Variants in PDZD2 observed in about 807,000 individuals in gnomAD.
The protein encoded by PDZD2 is PDZ domain containing 2, also known as PDZ domain-containing protein 2.
In PDZD2, 90 loss-of-function variants were observed where a neutral mutation model predicts 220.7. The ratio of observed to expected loss-of-function variants is 0.41; its 90% CI spans 0.34 to 0.49. The LOEUF (loss-of-function observed/expected upper bound fraction) is 0.49. PDZD2 is among the 20% of genes least tolerant of loss of function. PDZD2 has a pLI of 0.28. For missense variants in PDZD2, 3,174 were observed against 3,608.5 expected (o/e 0.88, Z 3.08); for synonymous variants, 1,375 against 1,450.5 (o/e 0.95, Z 1.18).
At chr5:32,059,012 C>T (rs779980684) in intron 12 of PDZD2, among the ~76,000 whole-genome samples, 1 of 152,164 alleles carries the variant, frequency 6.6e-6, no homozygotes, top group Non-Finnish European at 1.5e-5. Flanking sequence ...AGTTGACCGT[C>T]GGATAATTCA....
intron 7 of PDZD2, among the ~76,000 whole-genome samples, chr5:32,039,395 G>C (rs958499203): frequency 6.6e-6 from 1 of 151,348 alleles, no homozygotes; most frequent in Non-Finnish European, 1.5e-5. Context: ...ACGGAGTCTC[G>C]CTCACTCAAT....
intron 2 of PDZD2, among the ~76,000 whole-genome samples, chr5:31,875,087 AT>A (rs1739186058): frequency 6.6e-6 from 1 of 151,958 alleles, no homozygotes; most frequent in Non-Finnish European, 1.5e-5. Context: ...TATGCTGCTT[AT>A]TTTTTCCTTT....
intron 1 of PDZD2, among the ~76,000 whole-genome samples, chr5:31,773,539 T>G (rs1207415557): frequency 1.3e-5 from 2 of 151,436 alleles, no homozygotes; most frequent in Non-Finnish European, 2.9e-5. Flanking sequence ...TAGTCCCAGC[T>G]ACTTGGAGGC....
At chr5:31,772,651 C>T (rs1016731357) in intron 1 of PDZD2, among the ~76,000 whole-genome samples, 1 of 152,212 alleles carries the variant, frequency 6.6e-6, no homozygotes, top group Non-Finnish European at 1.5e-5. Context: ...CCAGACGCAA[C>T]ATTAGAATAT....
At position 32,073,957 on chromosome 5, in the gene PDZD2, G is replaced by T. The variant is rs572811951; in HGVS notation, c.2851G>T (p.Ala951Ser). Residue 951 changes from alanine to serine, a missense_variant, in exon 18 of 25, where the codon GCC becomes TCC. By Grantham distance (99) the Ala-to-Ser change is moderately conservative. This residue lies in a region of PDZD2 where 1,861 missense variants were observed against 2,001.0 expected (regional missense o/e 0.93). Transcript: ENST00000438447. The part of the protein sequence containing the change: ...RQASLPGSPQ[A>S]LRNPLLRQRK... ...AGCCAGTCTCCCCGGAAGCCCACAG[G>T]CCCTCCGAAACCCTCTCCTCCGCCA... 3.7e-6 allele frequency: 6 copies of T among 1,614,148 alleles called. No individual in the cohort carries two copies. The East Asian group carries it at 1.3e-4, about 36-fold the overall frequency.
chr5:31,961,748 A>C (rs1055257844), intron 2 of PDZD2, among the ~76,000 whole-genome samples: 10 of 151,876 alleles, frequency 6.6e-5, no homozygotes, highest in Admixed American at 2.6e-4. Flanking sequence ...GTTTCAAGGG[A>C]TTCTCCTGCC....
chr5:31,797,189 C>T (rs1196179314), intron 1 of PDZD2, among the ~76,000 whole-genome samples: 5 of 150,022 alleles, frequency 3.3e-5, no homozygotes, highest in African/African-American at 7.4e-5. Context: ...GTGATCCGCC[C>T]GCCTCGGCCT....
chr5:31,843,042 C>T lies in PDZD2; in HGVS notation c.476+43318C>T, dbSNP rs555913562. On this transcript the variant is annotated intron_variant, in intron 2 of 24. Coordinates refer to ENST00000438447, the MANE Select transcript of PDZD2 (RefSeq NM_178140.4). ...GATTACAGGCATGCACCACCACACC[C>T]GGCTAATTTTGTATTTTTAGTAGAA... Among the ~76,000 whole-genome samples, 70 of 151,912 alleles carry T rather than the reference C, an allele frequency of 4.6e-4. 1 individual carries two copies. Among genetic ancestry groups the T allele is most frequent in the African/African-American group, 1.4e-3 (60 of 41,446 alleles).
intron 2 of PDZD2, among the ~76,000 whole-genome samples, chr5:31,931,609 T>C (rs1009046098): frequency 7.2e-5 from 11 of 151,904 alleles, no homozygotes; most frequent in Admixed American, 4.6e-4. Flanking sequence ...TGGAAGTAGA[T>C]GGGATAATCC....
chr5:31,687,694 G>C (rs407269), intron 1 of PDZD2, among the ~76,000 whole-genome samples: 68,322 of 151,984 alleles, frequency 0.45, 15,811 homozygotes, highest in East Asian at 0.69. Context: ...CTGGAGGCTG[G>C]ACATCTGAGA....
At chr5:31,793,681 G>A (rs553230153) in intron 1 of PDZD2, among the ~76,000 whole-genome samples, 3 of 152,270 alleles carry the variant, frequency 2.0e-5, no homozygotes, top group South Asian at 2.1e-4. Context: ...GGTGGCCTGC[G>A]CCTGTAAGCG....
intron 1 of PDZD2, among the ~76,000 whole-genome samples, chr5:31,665,639 C>T (rs1745953885): frequency 1.7e-5 from 1 of 57,168 alleles, no homozygotes; most frequent in Admixed American, 2.3e-4. Context: ...TTTGGAAGTT[C>T]CCCCTCCCCC....
At chr5:31,743,395 C>G (rs1203662608) in intron 1 of PDZD2, among the ~76,000 whole-genome samples, 1 of 151,936 alleles carries the variant, frequency 6.6e-6, no homozygotes, top group Non-Finnish European at 1.5e-5. Context: ...AGGGCTCAAG[C>G]GATCCACCCA....
chr5:31,683,204 T>A (rs1365569706), intron 1 of PDZD2, among the ~76,000 whole-genome samples: 1 of 46,834 alleles, frequency 2.1e-5, no homozygotes, highest in African/African-American at 6.6e-5. Context: ...GAGATCAGAA[T>A]GTTAAAAAAA....
At chr5:31,961,540 T>A (rs1748232256) in intron 2 of PDZD2, among the ~76,000 whole-genome samples, 1 of 152,122 alleles carries the variant, frequency 6.6e-6, no homozygotes, top group South Asian at 2.1e-4. Flanking sequence ...TCTCAAAAAA[T>A]AAAATACAAT....
intron 2 of PDZD2, among the ~76,000 whole-genome samples, chr5:31,951,140 C>A (rs1747142151): frequency 6.6e-6 from 1 of 152,160 alleles, no homozygotes; most frequent in Non-Finnish European, 1.5e-5. Flanking sequence ...CATCACAGCT[C>A]ACTGCAGTCT....
rs1418527652 is a variant in PDZD2, at chr5:31,945,583, TG to T, written c.477-37569del. ...CTGAACCACACCAAAATTCTGTCTTTGGGTTTGGCTTTACTAGATTCCCTTG... is the reference window on the plus strand; with the variant it reads ...CTGAACCACACCAAAATTCTGTCTTTGGTTTGGCTTTACTAGATTCCCTTG... On this transcript the variant is annotated intron_variant, in intron 2 of 24. Coordinates refer to ENST00000438447, the MANE Select transcript of PDZD2 (RefSeq NM_178140.4). Among the ~76,000 whole-genome samples, 4 of 152,128 alleles carry T rather than the reference TG, an allele frequency of 2.6e-5. No homozygotes were observed. In the South Asian group the frequency reaches 8.3e-4, roughly 32 times the overall value.
intron 5 of PDZD2, 31 bp from the exon 6 acceptor site, chr5:32,010,299 C>G (rs1439965587): frequency 6.4e-7 from 1 of 1,558,930 alleles, no homozygotes; most frequent in East Asian, 2.3e-5. Context: ...GGGAGTAATT[C>G]ATGGATGGGC....
intron 2 of PDZD2, among the ~76,000 whole-genome samples, chr5:31,812,062 G>A (rs2150244438): frequency 6.6e-6 from 1 of 151,914 alleles, no homozygotes; most frequent in East Asian, 1.9e-4. Context: ...TTAAGTACAT[G>A]TCTCTGTTAA....
Sources: gnomAD v4.1 joint callset for allele counts (sites outside exome capture counted in the v4.1 genomes callset) on GRCh38, gnomAD v4.1.1 for gene constraint, gnomAD v4.1.1 regional missense constraint, MANE v1.5 for transcripts, NCBI Gene and HGNC (gene_info 2026-07-23, HGNC 2026-07-21) for gene names.